Variants in TPD52 observed in about 807,000 individuals in gnomAD.
The protein encoded by TPD52 is tumor protein D52, also known as prostate and colon associated protein.
TPD52 carries 17 observed loss-of-function variants against 31.3 expected under a neutral mutation model. That is an observed-to-expected ratio of 0.54 (90% CI 0.37 to 0.82). The LOEUF (loss-of-function observed/expected upper bound fraction) is 0.82, where lower values mean the gene tolerates loss of function less well. TPD52 is among the 40% of genes least tolerant of loss of function. The pLI, the probability that TPD52 is intolerant of heterozygous loss-of-function variation, is 0.00. For synonymous variants in TPD52, 83 were observed against 89.6 expected (o/e 0.93, Z 0.42); for missense variants, 212 against 240.1 (o/e 0.88, Z 0.77).
chr8:80,098,425 CAT>C (rs1355237486), intron 1 of TPD52, among the ~76,000 whole-genome samples: 1 of 152,158 alleles, frequency 6.6e-6, no homozygotes, highest in Non-Finnish European at 1.5e-5. Context: ...GAGGTTAAAA[CAT>C]AGCATAACAG....
chr8:80,064,152 G>A (rs1427595909), intron 2 of TPD52, among the ~76,000 whole-genome samples: 1 of 152,114 alleles, frequency 6.6e-6, no homozygotes, highest in African/African-American at 2.4e-5. Context: ...GTAGAACAAA[G>A]TCACTGATGC....
intron 1 of TPD52, among the ~76,000 whole-genome samples, chr8:80,072,794 C>T (rs1207854469): frequency 7.0e-6 from 1 of 141,908 alleles, no homozygotes; most frequent in African/African-American, 3.0e-5. Context: ...TACACACACA[C>T]ACACATATAT....
rs780055022 is a variant in TPD52, at chr8:80,038,108, T to G, written c.*8A>C. 31 of 1,613,730 alleles carry G rather than the reference T, an allele frequency of 1.9e-5. No homozygotes were observed. Among genetic ancestry groups the G allele is most frequent in the South Asian group, 9.9e-5 (9 of 91,050 alleles). The stretch of plus-strand genomic sequence containing the variant: ...CTGGCAGTGGGTAGCAGAACAAAGG[T>G]AGGAATCTCACAGGCTCTCCTGTGT... On this transcript the variant is annotated 3_prime_UTR_variant, in exon 8 of 8. Transcript: ENST00000518937.
chr8:80,094,056 A>C (rs150446798), intron 1 of TPD52, among the ~76,000 whole-genome samples: 1 of 152,172 alleles, frequency 6.6e-6, no homozygotes, highest in Non-Finnish European at 1.5e-5. Flanking sequence ...GACTTTTCTC[A>C]GAGTTTTATA....
At chr8:80,061,278 C>T (rs546627022) in intron 2 of TPD52, among the ~76,000 whole-genome samples, 103 of 151,912 alleles carry the variant, frequency 6.8e-4, no homozygotes, top group African/African-American at 2.3e-3. Context: ...GCAGGACAAT[C>T]GCTTGAACCT....
At chr8:80,066,512 T>C (rs1813170148) in intron 1 of TPD52, among the ~76,000 whole-genome samples, 1 of 152,240 alleles carries the variant, frequency 6.6e-6, no homozygotes, top group Non-Finnish European at 1.5e-5. Flanking sequence ...GGTCTTCCTC[T>C]AAAATATTTG....
chr8:80,104,339 T>C (rs1806948497), intron 1 of TPD52, among the ~76,000 whole-genome samples: 1 of 152,218 alleles, frequency 6.6e-6, no homozygotes, highest in Non-Finnish European at 1.5e-5. Flanking sequence ...TCTAAAAGAA[T>C]GGGCAAATCT....
rs780479094 is a variant in TPD52 at position 80,100,582 on chromosome 8, C to A, written c.20-35989G>T. Among the ~76,000 whole-genome samples, 144 of 152,346 alleles carry A rather than the reference C, an allele frequency of 9.5e-4. No individual in the cohort carries two copies. In the Middle Eastern group the frequency reaches 0.01, roughly 11 times the overall value. On this transcript the variant is annotated intron_variant, in intron 1 of 7. Transcript: ENST00000518937. ...AATTACTTACTAAGTCAGCTCTTTC[C>A]AGTCACCTAGCTAGCCAAAGTTTAT...
rs142255397 is a variant in TPD52 at position 80,106,055 on chromosome 8, C to T, written c.20-41462G>A. On this transcript the variant is annotated intron_variant, in intron 1 of 7. Transcript: ENST00000518937. ...TGGGTTTTGCTCTGAACTTGGCAAC[C>T]TAGGTAAACATGGATTTTTTTCCTA... 9.9e-5 allele frequency among the ~76,000 whole-genome samples: 15 copies of T among 152,144 alleles called. 1 individual carries two copies. The East Asian group carries it at 2.1e-3, about 22-fold the overall frequency.
intron 1 of TPD52, among the ~76,000 whole-genome samples, chr8:80,079,516 A>G (rs1171488722): frequency 1.3e-5 from 2 of 152,130 alleles, no homozygotes; most frequent in Non-Finnish European, 2.9e-5. Context: ...TAGGTTACCC[A>G]TTTTTTCAGC....
intron 1 of TPD52, among the ~76,000 whole-genome samples, chr8:80,098,255 C>T (rs1252728670): frequency 6.6e-6 from 1 of 152,150 alleles, no homozygotes; most frequent in African/African-American, 2.4e-5. Flanking sequence ...TGAGTAATTC[C>T]TATTTTCAAG....
At chr8:80,152,181 C>T (rs1028979090) in intron 1 of TPD52, among the ~76,000 whole-genome samples, 60 of 150,520 alleles carry the variant, frequency 4.0e-4, no homozygotes, top group African/African-American at 1.3e-3. Flanking sequence ...CATGCCCCCC[C>T]GACCCCAGGA....
intron 5 of TPD52, among the ~76,000 whole-genome samples, chr8:80,047,561 T>C (rs913814629): frequency 1.3e-5 from 2 of 152,208 alleles, no homozygotes; most frequent in Non-Finnish European, 2.9e-5. Flanking sequence ...GGCACATAGT[T>C]AGCACTCAAT....
intron 1 of TPD52, among the ~76,000 whole-genome samples, chr8:80,076,997 C>A (rs1158080190): frequency 6.6e-6 from 1 of 151,866 alleles, no homozygotes; most frequent in African/African-American, 2.4e-5. Context: ...AAAATTCTGG[C>A]CCGGCCCAGT....
intron 1 of TPD52, among the ~76,000 whole-genome samples, chr8:80,113,131 G>A (rs1429839415): frequency 6.6e-6 from 1 of 152,158 alleles, no homozygotes; most frequent in Non-Finnish European, 1.5e-5. Context: ...CAAATTTTCA[G>A]ATTAGGGATG....
intron 1 of TPD52, among the ~76,000 whole-genome samples, chr8:80,161,241 T>C (rs1187774122): frequency 6.6e-6 from 1 of 152,208 alleles, no homozygotes; most frequent in Non-Finnish European, 1.5e-5. Flanking sequence ...ATACCTGCCT[T>C]AGGAGCAAAG....
intron 1 of TPD52, among the ~76,000 whole-genome samples, chr8:80,115,624 C>T (rs752436462): frequency 6.6e-6 from 1 of 152,226 alleles, no homozygotes; most frequent in Admixed American, 6.5e-5. Context: ...TACAGACTAA[C>T]TCCTGGAAGA....
intron 1 of TPD52, among the ~76,000 whole-genome samples, chr8:80,149,288 C>A (rs117734486): frequency 6.6e-6 from 1 of 152,078 alleles, no homozygotes; most frequent in Non-Finnish European, 1.5e-5. Flanking sequence ...TTATAAAGGC[C>A]CGTTCCCCTG....
intron 1 of TPD52, among the ~76,000 whole-genome samples, chr8:80,154,706 T>TACACACACAC (rs36076685): frequency 1.3e-5 from 1 of 77,682 alleles, no homozygotes; most frequent in South Asian, 3.7e-4. Context: ...AATCATGACA[T>TACACACACAC]ACACACACAC....
Sources: gnomAD v4.1 joint callset for allele counts (sites outside exome capture counted in the v4.1 genomes callset) on GRCh38, gnomAD v4.1.1 for gene constraint, MANE v1.5 for transcripts, NCBI Gene and HGNC (gene_info 2026-07-23, HGNC 2026-07-21) for gene names.